KLRG1: variants seen among roughly 807,000 people sequenced by gnomAD.
The protein encoded by KLRG1 is killer cell lectin like receptor G1, also known as killer cell lectin-like receptor subfamily G member 1.
KLRG1 carries 16 observed loss-of-function variants against 21.8 expected under a neutral mutation model. The ratio of observed to expected loss-of-function variants is 0.73; its 90% CI spans 0.50 to 1.11. The LOEUF (loss-of-function observed/expected upper bound fraction) is 1.11. Ranked by LOEUF, KLRG1 falls within the 50% of genes most tolerant of loss-of-function variation. The probability of loss-of-function intolerance (pLI) is 0.00; values close to 1 mark genes in which losing one functional copy is unlikely to be tolerated. For missense variants in KLRG1, 173 were observed against 218.3 expected (o/e 0.79, Z 1.31); for synonymous variants, 69 against 75.9 (o/e 0.91, Z 0.47).
At chr12:8,977,084 C>G (rs1486178301) in intron 1 of KLRG1, among the ~76,000 whole-genome samples, 1 of 151,970 alleles carries the variant, frequency 6.6e-6, no homozygotes, top group East Asian at 1.9e-4. Context: ...GTAAGTATAG[C>G]CATTTCTGCT....
chr12:9,076,807 C>T, the KLRG1 span: 9 of 1,613,852 alleles, frequency 5.6e-6, no homozygotes, highest in Non-Finnish European at 7.6e-6. Flanking sequence ...TTCCTCTTGT[C>T]CTGGTTACCT....
Position 9,009,602 on chromosome 12 carries a change from C to A in KLRG1, c.*65C>A. 1 of 1,584,252 alleles carries A rather than the reference C, an allele frequency of 6.3e-7. No individual in the cohort carries two copies. The highest frequency in any genetic ancestry group is 8.6e-7 in the Non-Finnish European group (1 of 1,165,900). On this transcript the variant is annotated 3_prime_UTR_variant, in exon 5 of 5. Coordinates refer to ENST00000356986, the MANE Select transcript of KLRG1 (RefSeq NM_005810.4). ...ATCCCTAAAAGGAGGGAGCTGGCCA[C>A]TGGCTGTTGGGAAAGCCATGAGTAT...
the KLRG1 span, among the ~76,000 whole-genome samples, chr12:9,082,189 C>T: frequency 1.3e-5 from 2 of 152,238 alleles, no homozygotes; most frequent in Non-Finnish European, 2.9e-5. Flanking sequence ...TAGCAATCCT[C>T]TATTATGCAC....
intron 1 of KLRG1, chr12:8,970,643 A>T (rs142002909): frequency 9.0e-4 from 137 of 152,194 alleles, no homozygotes; most frequent in African/African-American, 3.1e-3. Context: ...ATTTCAGTAC[A>T]GTGTTTCATA....
the KLRG1 span, chr12:9,028,140 C>T: frequency 5.0e-5 from 32 of 640,290 alleles, no homozygotes; most frequent in East Asian, 3.1e-4. Context: ...TCAGTGTCGT[C>T]GTCTTCTTCT....
chr12:9,005,906 T>C (rs1348167136), intron 3 of KLRG1, among the ~76,000 whole-genome samples: 2 of 152,226 alleles, frequency 1.3e-5, no homozygotes, highest in South Asian at 2.1e-4. Flanking sequence ...GGGGCAGAAC[T>C]CAGGCGGTAA....
Position 9,009,519 on chromosome 12 carries a change from T to A in KLRG1, c.552T>A (p.Cys184Ter). 1 of 1,613,926 alleles carries A rather than the reference T, an allele frequency of 6.2e-7. No homozygotes were observed. Among genetic ancestry groups the A allele is most frequent in the East Asian group, 2.2e-5 (1 of 44,824 alleles). Residue 184 changes from cysteine to a stop codon, truncating the protein, a stop_gained, in exon 5 of 5, where the codon TGT becomes TGA. Transcript: ENST00000356986. LOFTEE classifies it high-confidence loss of function. Reference sequence around the variant, plus strand: ...GTGAAGTTCCTTTACACTGGGTGTGTAAGAAGGTCAGACTTTGATAGATGA... The same window carrying A: ...GTGAAGTTCCTTTACACTGGGTGTGAAAGAAGGTCAGACTTTGATAGATGA... The part of the protein sequence containing the change: ...SSCEVPLHWV[C>*]KKVRL
At chr12:9,120,428 A>C in the KLRG1 span, among the ~76,000 whole-genome samples, 2 of 152,250 alleles carry the variant, frequency 1.3e-5, no homozygotes, top group African/African-American at 4.8e-5. Flanking sequence ...CATAACAGTA[A>C]GAACAAACAA....
the KLRG1 span, chr12:9,028,007 CT>C: frequency 8.6e-7 from 1 of 1,161,944 alleles, no homozygotes; most frequent in Non-Finnish European, 1.3e-6. Context: ...GAATGACAGT[CT>C]TATCCACGGA....
chr12:9,050,888 C>G, the KLRG1 span, among the ~76,000 whole-genome samples: 1 of 152,224 alleles, frequency 6.6e-6, no homozygotes, highest in African/African-American at 2.4e-5. Flanking sequence ...ACTGCCTGGC[C>G]TCTCTCTGCT....
At position 9,009,569 on chromosome 12, in the gene KLRG1, T is replaced by C. The variant is rs1191488514; in HGVS notation, c.*32T>C. On this transcript the variant is annotated 3_prime_UTR_variant, in exon 5 of 5. Transcript: ENST00000356986. Reference sequence around the variant, plus strand: ...ACCACTCTGTCCTGACCCTCAGATCTGTCATGTATCCCTAAAAGGAGGGAG... The same window carrying C: ...ACCACTCTGTCCTGACCCTCAGATCCGTCATGTATCCCTAAAAGGAGGGAG... The C allele has an allele frequency of 6.2e-7, 1 of 1,608,440 alleles. No individual in the cohort carries two copies. The highest frequency in any genetic ancestry group is 1.3e-5 in the African/African-American group (1 of 74,710).
chr12:9,140,523 T>G, the KLRG1 span, among the ~76,000 whole-genome samples: 2 of 152,228 alleles, frequency 1.3e-5, no homozygotes, highest in Non-Finnish European at 2.9e-5. Context: ...AGGAATGGTT[T>G]GCATTATTAT....
chr12:9,091,085 A>G, the KLRG1 span: 6 of 1,279,554 alleles, frequency 4.7e-6, no homozygotes, highest in Admixed American at 2.5e-5. Context: ...AACTTTTACA[A>G]TCATGAATAT....
the KLRG1 span, among the ~76,000 whole-genome samples, chr12:9,195,611 A>ATTTTTT: frequency 9.6e-5 from 10 of 104,236 alleles, no homozygotes; most frequent in East Asian, 7.7e-4. Context: ...CCCACTGCTA[A>ATTTTTT]TTTTTTTTTT....
chr12:8,974,750 G>A (rs1946629702), intron 1 of KLRG1, among the ~76,000 whole-genome samples: 1 of 152,090 alleles, frequency 6.6e-6, no homozygotes, highest in Non-Finnish European at 1.5e-5. Flanking sequence ...CTTTTAATGT[G>A]CTGTTGTTAT....
chr12:9,113,263 T>C, the KLRG1 span: 1 of 1,352,308 alleles, frequency 7.4e-7, no homozygotes, highest in Admixed American at 2.2e-5. Context: ...TTCCTGCAGT[T>C]CTTACCAACC....
downstream of KLRG1, among the ~76,000 whole-genome samples, chr12:9,013,265 C>A (rs1231080928): frequency 6.6e-6 from 1 of 152,056 alleles, no homozygotes; most frequent in African/African-American, 2.4e-5. Flanking sequence ...ACAAACAAAC[C>A]CAGACTGCAA....
At chr12:9,177,308 G>C in the KLRG1 span, among the ~76,000 whole-genome samples, 3 of 152,208 alleles carry the variant, frequency 2.0e-5, no homozygotes, top group Non-Finnish European at 4.4e-5. Context: ...TAGGACCTCT[G>C]TGTGGTGAGG....
At chr12:9,157,582 A>C in the KLRG1 span, among the ~76,000 whole-genome samples, 3 of 152,256 alleles carry the variant, frequency 2.0e-5, no homozygotes, top group Non-Finnish European at 4.4e-5. Context: ...TTTGATACAT[A>C]GTCTATGGGC....
Sources: allele counts gnomAD v4.1 joint callset (sites outside exome capture counted in the v4.1 genomes callset), GRCh38; gene constraint gnomAD v4.1.1; transcripts MANE v1.5; gene names NCBI Gene and HGNC (gene_info 2026-07-23, HGNC 2026-07-21).